TOX2: variants seen among roughly 807,000 people sequenced by gnomAD.
TOX2 encodes the protein TOX high mobility group box family member 2.
A neutral mutation model predicts 47.4 loss-of-function variants in TOX2; 15 were observed. The observed-to-expected ratio is 0.32, with a 90% CI of 0.21 to 0.49. The LOEUF (loss-of-function observed/expected upper bound fraction) is 0.49, where lower values mean the gene tolerates loss of function less well. Ranked by LOEUF, TOX2 falls within the 20% of genes least tolerant of loss-of-function variation. The pLI is 0.99. For synonymous variants in TOX2, 290 were observed against 296.6 expected, an observed-to-expected ratio of 0.98 and a Z score of 0.23; for missense variants, 622 against 673.1, an observed-to-expected ratio of 0.92 and a Z score of 0.84.
chr20:44,025,263 C>T (rs1429605635), intron 3 of TOX2, among the ~76,000 whole-genome samples: 5 of 151,952 alleles, frequency 3.3e-5, no homozygotes, highest in African/African-American at 1.2e-4. Context: ...TCTGCCTGCC[C>T]CCAGGGGTGT....
At chr20:43,941,923 T>C (rs961288947) in intron 1 of TOX2, among the ~76,000 whole-genome samples, 6 of 152,194 alleles carry the variant, frequency 3.9e-5, no homozygotes, top group Admixed American at 3.9e-4. Context: ...GGGGCTGATA[T>C]GGGCTTGGTT....
chr20:43,948,190 C>T (rs1299250247), intron 1 of TOX2, among the ~76,000 whole-genome samples: 1 of 152,166 alleles, frequency 6.6e-6, no homozygotes, highest in East Asian at 1.9e-4. Flanking sequence ...TCTGTTGGCA[C>T]ACAGGGGCCC....
At chr20:44,013,477 T>G (rs1204929079) in intron 3 of TOX2, among the ~76,000 whole-genome samples, 1 of 152,222 alleles carries the variant, frequency 6.6e-6, no homozygotes, top group East Asian at 1.9e-4. Context: ...TCTGGTCTTC[T>G]GAAACACAGG....
intron 1 of TOX2, among the ~76,000 whole-genome samples, chr20:43,961,622 G>A (rs1001945244): frequency 4.6e-5 from 7 of 152,106 alleles, no homozygotes; most frequent in African/African-American, 1.7e-4. Flanking sequence ...TGTGGCGGGT[G>A]GGTGGGAGCA....
At chr20:44,015,436 TAAC>T (rs1255054923) in intron 3 of TOX2, among the ~76,000 whole-genome samples, 1 of 152,204 alleles carries the variant, frequency 6.6e-6, no homozygotes, top group Non-Finnish European at 1.5e-5. Context: ...AAACAGAGAC[TAAC>T]ACCGGCTCTG....
intron 3 of TOX2, among the ~76,000 whole-genome samples, chr20:44,049,930 A>G (rs2145746762): frequency 6.6e-6 from 1 of 152,278 alleles, no homozygotes; most frequent in Non-Finnish European, 1.5e-5. Flanking sequence ...TGCTATTGTG[A>G]ATAGTGCTGC....
At chr20:44,036,901 C>T (rs952332924) in intron 3 of TOX2, among the ~76,000 whole-genome samples, 1 of 152,232 alleles carries the variant, frequency 6.6e-6, no homozygotes, top group African/African-American at 2.4e-5. Flanking sequence ...TCCTTGGAGG[C>T]TCCCTCCTGG....
chr20:44,004,631 G>C (rs1247244769), intron 2 of TOX2, among the ~76,000 whole-genome samples: 2 of 152,166 alleles, frequency 1.3e-5, no homozygotes, highest in Non-Finnish European at 2.9e-5. Context: ...CTCCCCCATG[G>C]AATTTAGGTA....
intron 3 of TOX2, among the ~76,000 whole-genome samples, chr20:44,011,973 T>C (rs6031294): frequency 0.78 from 118,029 of 152,246 alleles, 46,707 homozygotes; most frequent in African/African-American, 0.94. Flanking sequence ...AAGGCTTCTC[T>C]CTCAACTTCA....
At chr20:44,015,245 A>T (rs1309238667) in intron 3 of TOX2, among the ~76,000 whole-genome samples, 1 of 152,228 alleles carries the variant, frequency 6.6e-6, no homozygotes, top group East Asian at 1.9e-4. Context: ...TTTCAGAGGC[A>T]TTAAGCAAAA....
rs181984474 is a variant in TOX2 at position 44,022,249 on chromosome 20, G to A, written c.411+15457G>A. 3.3e-5 allele frequency among the ~76,000 whole-genome samples: 5 copies of A among 152,272 alleles called. No individual in the cohort carries two copies. The East Asian group carries it at 7.7e-4, about 24-fold the overall frequency. On this transcript the variant is annotated intron_variant, in intron 3 of 8. Transcript: ENST00000341197. ...TTGGACTTGGAGAGAACTGGATTTT[G>A]AGTTTCTCCAGCTACATGCGTGTTG...
Position 44,007,172 on chromosome 20 carries a change from T to C in TOX2, c.411+380T>C, listed in dbSNP as rs543771758. ...TTAAAGTATACTACTTAATGACTTT[T>C]CATATATTGACAGAGTTGTGTGACC... On this transcript the variant is annotated intron_variant, in intron 3 of 8. Coordinates refer to ENST00000341197, the MANE Select transcript of TOX2 (RefSeq NM_001098797.2). The C allele has an allele frequency of 9.7e-5, 20 of 205,388 alleles. 1 individual carries two copies. In the South Asian group the frequency reaches 1.9e-3, roughly 20 times the overall value. 12.7% of individuals were successfully genotyped at this position (205,388 alleles called of 1,614,324 possible).
chr20:43,946,918 C>A (rs2069483088), intron 1 of TOX2, among the ~76,000 whole-genome samples: 2 of 152,238 alleles, frequency 1.3e-5, no homozygotes, highest in Admixed American at 6.5e-5. Context: ...TTGTTGAAAT[C>A]TGGCTTCGTG....
intron 2 of TOX2, among the ~76,000 whole-genome samples, chr20:43,985,426 A>T (rs1424236211): frequency 6.6e-6 from 1 of 152,190 alleles, no homozygotes. Context: ...TTATAAAGGT[A>T]ATGACATGAG....
chr20:43,990,434 C>T (rs1206710763), intron 2 of TOX2, among the ~76,000 whole-genome samples: 3 of 152,142 alleles, frequency 2.0e-5, no homozygotes, highest in Admixed American at 2.0e-4. Flanking sequence ...GGGGTCCAGG[C>T]TGCAAGAGGA....
rs1048590426 is a variant in TOX2 at position 44,054,505 on chromosome 20, C to G, written c.858C>G (p.Ser286Arg). 1.2e-6 allele frequency: 2 copies of G among 1,613,846 alleles called. No individual in the cohort carries two copies. The highest frequency in any genetic ancestry group is 1.1e-5 in the South Asian group (1 of 91,064). ...VSKIVASMWD[S>R]LGEEQKQAYK... ...AAATCGTGGCCTCCATGTGGGACAGCCTGGGAGAGGAACAGAAGCAGGTGA... is the reference window on the plus strand; with the variant it reads ...AAATCGTGGCCTCCATGTGGGACAGGCTGGGAGAGGAACAGAAGCAGGTGA... The change falls in exon 5 of 9, where the codon AGC becomes AGG. Residue 286 changes from serine to arginine, a missense_variant. By Grantham distance (110) the Ser-to-Arg change is moderately radical (BLOSUM62 -1). Transcript: ENST00000341197.
chr20:44,054,150 T>TGTC, intron 4 of TOX2, 149 bp from the exon 5 acceptor site: 1 of 744,346 alleles, frequency 1.3e-6, no homozygotes, highest in Non-Finnish European at 2.3e-6. Context: ...TGTGTGTGTC[T>TGTC]GTCTGTCCAT....
In TOX2 at chr20:44,065,851, G is replaced by C. The variant is rs1274066253; in HGVS notation, c.1100G>C (p.Gly367Ala). Reference protein sequence around the residue: ...TPSDLQAFRSGASPASLARTL... With the variant: ...TPSDLQAFRSAASPASLARTL... ...TCGGACCTGCAGGCCTTCCGCAGTG[G>C]GGCCTCCCCTGCCAGCCTCGCCCGG... Residue 367 changes from glycine to alanine, a missense_variant, in exon 7 of 9, where the codon GGG becomes GCG. By Grantham distance (60) the Gly-to-Ala change is moderately conservative. This residue lies in a region of TOX2 where 294 missense variants were observed against 300.0 expected (regional missense o/e 0.98). Coordinates refer to ENST00000341197, the MANE Select transcript of TOX2 (RefSeq NM_001098797.2). 2 of 1,613,582 alleles carry C rather than the reference G, an allele frequency of 1.2e-6. No homozygotes were observed. The highest frequency in any genetic ancestry group is 3.3e-5 in the Admixed American group (2 of 59,976).
chr20:43,949,541 G>A (rs926297072), intron 1 of TOX2, among the ~76,000 whole-genome samples: 3 of 152,158 alleles, frequency 2.0e-5, no homozygotes, highest in African/African-American at 7.2e-5. Context: ...ACTTTTTGCA[G>A]TCCACAAGCT....
Sources: gnomAD v4.1 joint callset for allele counts (sites outside exome capture counted in the v4.1 genomes callset) on GRCh38, gnomAD v4.1.1 for gene constraint, gnomAD v4.1.1 regional missense constraint, MANE v1.5 for transcripts, NCBI Gene and HGNC (gene_info 2026-07-23, HGNC 2026-07-21) for gene names.